INPP5F: variants seen among roughly 807,000 people sequenced by gnomAD.
The protein encoded by INPP5F is phosphatidylinositide 4-phosphatase SAC2.
A neutral mutation model predicts 137.2 loss-of-function variants in INPP5F; 97 were observed. The observed-to-expected ratio is 0.71, with a 90% CI of 0.60 to 0.84. The LOEUF is 0.84. Among genes scored for constraint, INPP5F ranks in the 40% least tolerant of loss-of-function variants. The pLI is 0.00. For synonymous variants in INPP5F, 504 were observed against 476.9 expected, an observed-to-expected ratio of 1.06 and a Z score of -0.74; for missense variants, 1,271 against 1,371.9, an observed-to-expected ratio of 0.93 and a Z score of 1.16.
rs567567702 is a variant in INPP5F at position 119,771,989 on chromosome 10, G to A, written c.179-9646G>A. Among the ~76,000 whole-genome samples the A allele has an allele frequency of 1.9e-3, 271 of 140,628 alleles. 1 individual carries two copies. Among genetic ancestry groups the A allele is most frequent in the African/African-American group, 6.9e-3 (257 of 37,306 alleles). The allele number at this position is 140,628 out of a possible 152,430, so 92.3% of individuals were successfully genotyped here. ...CGGCTCACTGCAAGCTCCATCTCCC[G>A]GGTTCACACGCCATTCTCCTGCCTC... On this transcript the variant is annotated intron_variant, in intron 2 of 19. Transcript: ENST00000650623.
At chr10:119,764,181 A>C (rs1366418142) in intron 2 of INPP5F, among the ~76,000 whole-genome samples, 1 of 152,202 alleles carries the variant, frequency 6.6e-6, no homozygotes, top group African/African-American at 2.4e-5. Flanking sequence ...ATGCACCTCC[A>C]AACTCTTTCA....
intron 1 of INPP5F, among the ~76,000 whole-genome samples, chr10:119,741,815 G>A (rs1848383792): frequency 6.6e-6 from 1 of 152,058 alleles, no homozygotes; most frequent in Admixed American, 6.5e-5. Context: ...GATTACAGGC[G>A]TGAGCCACCG....
chr10:119,759,423 C>CT (rs1304846776), intron 2 of INPP5F, among the ~76,000 whole-genome samples: 1 of 151,864 alleles, frequency 6.6e-6, no homozygotes, highest in Non-Finnish European at 1.5e-5. Flanking sequence ...GAGTCTTGCT[C>CT]TTGTAGCCCA....
At chr10:119,754,245 G>A (rs1188656191) in intron 2 of INPP5F, among the ~76,000 whole-genome samples, 2 of 152,240 alleles carry the variant, frequency 1.3e-5, no homozygotes, top group African/African-American at 4.8e-5. Context: ...GGGAGGCAGA[G>A]CAGGAGGGTT....
intron 3 of INPP5F, among the ~76,000 whole-genome samples, chr10:119,785,413 G>T (rs925510554): frequency 6.6e-6 from 1 of 151,222 alleles, no homozygotes; most frequent in African/African-American, 2.4e-5. Flanking sequence ...AGTCTCCCGA[G>T]TAGCTGGGAC....
chr10:119,734,756 G>T (rs1848174675), intron 1 of INPP5F, among the ~76,000 whole-genome samples: 1 of 152,154 alleles, frequency 6.6e-6, no homozygotes, highest in Non-Finnish European at 1.5e-5. Flanking sequence ...ATGTCTCTGT[G>T]TGTCTTTTTG....
intron 2 of INPP5F, among the ~76,000 whole-genome samples, chr10:119,759,608 G>C (rs868547968): frequency 5.9e-5 from 9 of 152,006 alleles, no homozygotes; most frequent in Admixed American, 1.3e-4. Flanking sequence ...TACCTGCCTC[G>C]GCCTCCCAAA....
At chr10:119,785,554 G>GAGAA (rs1849870736) in intron 3 of INPP5F, among the ~76,000 whole-genome samples, 1 of 148,892 alleles carries the variant, frequency 6.7e-6, no homozygotes, top group Admixed American at 6.7e-5. Flanking sequence ...GAGAGAGAGA[G>GAGAA]AGAGAGAGAG....
chr10:119,817,698 T>G (rs1851333131), intron 15 of INPP5F, among the ~76,000 whole-genome samples: 1 of 152,216 alleles, frequency 6.6e-6, no homozygotes, highest in South Asian at 2.1e-4. Flanking sequence ...TGTTGATTTG[T>G]AAATAAAGTT....
chr10:119,815,624 A>G, intron 15 of INPP5F: 1 of 299,672 alleles, frequency 3.3e-6, no homozygotes, highest in East Asian at 8.6e-5. Flanking sequence ...TTCAGTCCAG[A>G]GAAGCTGACT....
At chr10:119,768,186 A>G (rs937027547) in intron 2 of INPP5F, 14 of 152,196 alleles carry the variant, frequency 9.2e-5, no homozygotes, top group Non-Finnish European at 1.8e-4. Context: ...TGGAGTATAT[A>G]GTATGCACCT....
At chr10:119,790,669 C>T (rs936316813) in intron 3 of INPP5F, among the ~76,000 whole-genome samples, 4 of 152,204 alleles carry the variant, frequency 2.6e-5, no homozygotes, top group African/African-American at 9.7e-5. Flanking sequence ...TATTAAGAGT[C>T]TCCTACTTAG....
intron 3 of INPP5F, among the ~76,000 whole-genome samples, chr10:119,789,535 C>G (rs747285705): frequency 4.6e-5 from 7 of 151,756 alleles, no homozygotes; most frequent in Non-Finnish European, 7.4e-5. Context: ...GAGTGATGGT[C>G]GTGAAAGCTC....
intron 16 of INPP5F, 85 bp downstream of exon 16, chr10:119,821,002 G>A (rs975828069): frequency 7.1e-6 from 6 of 843,526 alleles, no homozygotes; most frequent in South Asian, 2.8e-5. Flanking sequence ...ACAAAAAAAT[G>A]TGAGAATATG....
At chr10:119,805,339 A>G (rs373726562) in intron 10 of INPP5F, 45 bp from the exon 11 acceptor site, 8 of 1,452,794 alleles carry the variant, frequency 5.5e-6, no homozygotes, top group Admixed American at 3.5e-5. Context: ...AAAAAAATCT[A>G]TGATTAAATT....
chr10:119,802,841 G>A (rs1244205139), intron 9 of INPP5F, among the ~76,000 whole-genome samples: 1 of 152,130 alleles, frequency 6.6e-6, no homozygotes, highest in East Asian at 1.9e-4. Flanking sequence ...AGGAGCTAGT[G>A]CCCATTTCCT....
At chr10:119,825,043 C>T (rs952635848) in intron 19 of INPP5F, among the ~76,000 whole-genome samples, 1 of 152,154 alleles carries the variant, frequency 6.6e-6, no homozygotes, top group Non-Finnish European at 1.5e-5. Flanking sequence ...AAACATACTC[C>T]TTTACTTCAG....
At position 119,770,558 on chromosome 10, in the gene INPP5F, T is replaced by G. The variant is rs562494647; in HGVS notation, c.179-11077T>G. On this transcript the variant is annotated intron_variant, in intron 2 of 19. Transcript: ENST00000650623. Reference sequence around the variant, plus strand: ...CATTCCTGCCGGACATCTCAGGCTTTTTATGTGGCAGTGGTGGTGTATTTT... The same window carrying G: ...CATTCCTGCCGGACATCTCAGGCTTGTTATGTGGCAGTGGTGGTGTATTTT... 6.6e-5 allele frequency among the ~76,000 whole-genome samples: 10 copies of G among 152,352 alleles called. 1 individual carries two copies. The highest frequency in any genetic ancestry group is 2.4e-4 in the African/African-American group (10 of 41,582).
chr10:119,810,520 A>G (rs1013709669), intron 14 of INPP5F, among the ~76,000 whole-genome samples: 1 of 152,224 alleles, frequency 6.6e-6, no homozygotes, highest in African/African-American at 2.4e-5. Context: ...AAACCTCAAC[A>G]ATTAAAAACT....
Sources: gnomAD v4.1 joint callset for allele counts (sites outside exome capture counted in the v4.1 genomes callset) on GRCh38, gnomAD v4.1.1 for gene constraint, MANE v1.5 for transcripts, NCBI Gene and HGNC (gene_info 2026-07-23, HGNC 2026-07-21) for gene names.